CTNNA2: variants seen among roughly 807,000 people sequenced by gnomAD.
CTNNA2 encodes catenin alpha-2.
CTNNA2 carries 42 observed loss-of-function variants against 101.0 expected under a neutral mutation model. That is an observed-to-expected ratio of 0.42 (90% CI 0.32 to 0.54). The LOEUF (loss-of-function observed/expected upper bound fraction) is 0.54. Among genes scored for constraint, CTNNA2 ranks in the 20% least tolerant of loss-of-function variants. The pLI is 0.14. For synonymous variants in CTNNA2, 450 were observed against 456.4 expected, an observed-to-expected ratio of 0.99 and a Z score of 0.18; for missense variants, 871 against 1,223.1, an observed-to-expected ratio of 0.71 and a Z score of 4.29.
intron 7 of CTNNA2, among the ~76,000 whole-genome samples, chr2:80,003,326 A>G (rs1350025692): frequency 6.6e-6 from 1 of 152,132 alleles, no homozygotes; most frequent in Non-Finnish European, 1.5e-5. Flanking sequence ...TGTTTTTTAT[A>G]TTAATGCTGA....
At chr2:80,410,029 G>A (rs908848631) in intron 8 of CTNNA2, among the ~76,000 whole-genome samples, 1 of 152,182 alleles carries the variant, frequency 6.6e-6, no homozygotes, top group Non-Finnish European at 1.5e-5. Flanking sequence ...GCAAGTGTGA[G>A]CTTCTGCAAA....
chr2:80,079,670 C>T (rs113826202), intron 7 of CTNNA2, among the ~76,000 whole-genome samples: 1,571 of 151,700 alleles, frequency 0.01, 22 homozygotes, highest in African/African-American at 0.032. Flanking sequence ...AAAAATTAGC[C>T]GGGCGTGGTG....
intron 4 of CTNNA2, among the ~76,000 whole-genome samples, chr2:79,421,473 G>C (rs1481276815): frequency 1.3e-5 from 2 of 152,144 alleles, no homozygotes; most frequent in African/African-American, 2.4e-5. Context: ...AGGTGTAATA[G>C]AGCTAATGAA....
At chr2:79,877,973 C>A (rs1028373226) in intron 6 of CTNNA2, among the ~76,000 whole-genome samples, 1 of 152,060 alleles carries the variant, frequency 6.6e-6, no homozygotes, top group Non-Finnish European at 1.5e-5. Flanking sequence ...CCCTTGCCCC[C>A]ACCCCGCAAC....
intron 3 of CTNNA2, among the ~76,000 whole-genome samples, chr2:79,357,224 G>T (rs554647453): frequency 6.6e-6 from 1 of 152,232 alleles, no homozygotes; most frequent in African/African-American, 2.4e-5. Flanking sequence ...TACTTGGGAG[G>T]CTGAGGCAGG....
chr2:80,558,001 T>G lies in CTNNA2; in HGVS notation c.1741+2108T>G, dbSNP rs552048698. Among the ~76,000 whole-genome samples, 6 of 152,286 alleles carry G rather than the reference T, an allele frequency of 3.9e-5. No individual in the cohort carries two copies. In the East Asian group the frequency reaches 1.2e-3, roughly 29 times the overall value. On this transcript the variant is annotated intron_variant, in intron 12 of 18. Coordinates refer to ENST00000402739, the MANE Select transcript of CTNNA2 (RefSeq NM_001282597.3). ...TTAACTAAAGGCACCTTTCTTATTT[T>G]GATGCCCATATCCAATTCCTAATTG... is the stretch of plus-strand genomic sequence containing the variant.
intron 4 of CTNNA2, among the ~76,000 whole-genome samples, chr2:79,437,504 C>T (rs1479101637): frequency 6.6e-6 from 1 of 152,150 alleles, no homozygotes; most frequent in South Asian, 2.1e-4. Flanking sequence ...GCAGTGGAAA[C>T]TTGTTAGAAA....
At chr2:79,329,049 C>A (rs1284708094) in intron 3 of CTNNA2, among the ~76,000 whole-genome samples, 2 of 152,172 alleles carry the variant, frequency 1.3e-5, no homozygotes, top group Non-Finnish European at 2.9e-5. Flanking sequence ...GCTGAGTTTA[C>A]AGCCTACCTT....
chr2:80,297,963 G>A (rs1334224507), intron 7 of CTNNA2, among the ~76,000 whole-genome samples: 1 of 151,856 alleles, frequency 6.6e-6, no homozygotes, highest in African/African-American at 2.4e-5. Flanking sequence ...TCACCTGCCT[G>A]CGCGTGTATG....
At chr2:79,287,580 C>A (rs1183421778) in intron 2 of CTNNA2, among the ~76,000 whole-genome samples, 1 of 149,582 alleles carries the variant, frequency 6.7e-6, no homozygotes, top group African/African-American at 2.5e-5. Context: ...GGTCAGGGAC[C>A]CACTTGAGGA....
chr2:79,599,732 TTAAG>T (rs1414094386), intron 1 of CTNNA2, among the ~76,000 whole-genome samples: 3 of 152,212 alleles, frequency 2.0e-5, no homozygotes, highest in African/African-American at 2.4e-5. Flanking sequence ...TCTGAGAAAT[TTAAG>T]TAAGATATTT....
intron 2 of CTNNA2, among the ~76,000 whole-genome samples, chr2:79,279,862 G>A (rs1390412562): frequency 2.0e-5 from 3 of 151,992 alleles, no homozygotes; most frequent in Non-Finnish European, 4.4e-5. Flanking sequence ...GCATTGTCCT[G>A]TTAGCCCATC....
Position 80,267,942 on chromosome 2 carries a change from C to G in CTNNA2, c.1057-125269C>G, listed in dbSNP as rs114405752. ...CTAAAGATGTCTTCCTTTCTGCTTC[C>G]CAGCTACTGCCCTAGAGGCGTCTTA... On this transcript the variant is annotated intron_variant, in intron 7 of 18. Transcript: ENST00000402739. 7.5e-3 allele frequency among the ~76,000 whole-genome samples: 1,136 copies of G among 152,326 alleles called. 4 individuals are homozygous for G. The highest frequency in any genetic ancestry group is 0.011 in the Non-Finnish European group (729 of 68,032).
At chr2:79,467,323 G>A (rs1039005182) in intron 4 of CTNNA2, among the ~76,000 whole-genome samples, 5 of 152,140 alleles carry the variant, frequency 3.3e-5, no homozygotes, top group African/African-American at 9.7e-5. Flanking sequence ...GAGAAGTTTA[G>A]AGAAAAAAGA....
intron 7 of CTNNA2, among the ~76,000 whole-genome samples, chr2:80,391,733 C>G (rs1677536873): frequency 6.6e-6 from 1 of 152,220 alleles, no homozygotes; most frequent in African/African-American, 2.4e-5. Context: ...AAAGACAGAG[C>G]AGCACGTTAT....
intron 2 of CTNNA2, among the ~76,000 whole-genome samples, chr2:79,248,518 T>G (rs1572998168): frequency 6.6e-6 from 1 of 152,176 alleles, no homozygotes; most frequent in Non-Finnish European, 1.5e-5. Context: ...CAGTGCTGGA[T>G]GGTCACATGT....
intron 4 of CTNNA2, among the ~76,000 whole-genome samples, chr2:79,859,463 A>T (rs922593570): frequency 2.0e-5 from 3 of 152,138 alleles, no homozygotes; most frequent in East Asian, 3.9e-4. Flanking sequence ...TTTCCAAATT[A>T]TGTATAAATT....
chr2:79,982,523 A>G (rs1691457334), intron 7 of CTNNA2, among the ~76,000 whole-genome samples: 1 of 150,894 alleles, frequency 6.6e-6, no homozygotes, highest in Non-Finnish European at 1.5e-5. Flanking sequence ...ACACACATAT[A>G]TATATTTTGT....
intron 7 of CTNNA2, among the ~76,000 whole-genome samples, chr2:80,279,265 C>T (rs1404547905): frequency 3.3e-5 from 5 of 152,002 alleles, no homozygotes. Flanking sequence ...TCCAGCACTC[C>T]AGGCTCTGGT....
Sources: gnomAD v4.1 joint callset for allele counts (sites outside exome capture counted in the v4.1 genomes callset) on GRCh38, gnomAD v4.1.1 for gene constraint, MANE v1.5 for transcripts, NCBI Gene and HGNC (gene_info 2026-07-23, HGNC 2026-07-21) for gene names.